SCD5: variants seen among roughly 807,000 people sequenced by gnomAD.
SCD5 encodes the protein acyl-CoA-desaturase 4.
SCD5 carries 20 observed loss-of-function variants against 30.4 expected under a neutral mutation model. That is an observed-to-expected ratio of 0.66 (90% CI 0.46 to 0.96). SCD5 has a LOEUF of 0.96. Among genes scored for constraint, SCD5 ranks in the 40% least tolerant of loss-of-function variants. The probability of loss-of-function intolerance (pLI) is 0.00; values close to 1 mark genes in which losing one functional copy is unlikely to be tolerated. For missense variants in SCD5, 381 were observed against 443.3 expected, an observed-to-expected ratio of 0.86 and a Z score of 1.26; for synonymous variants, 173 against 176.4, an observed-to-expected ratio of 0.98 and a Z score of 0.16.
At chr4:82,693,917 G>A (rs1260296985) in intron 2 of SCD5, among the ~76,000 whole-genome samples, 6 of 152,232 alleles carry the variant, frequency 3.9e-5, no homozygotes, top group African/African-American at 1.4e-4. Flanking sequence ...CAGCTTTGAT[G>A]CCCATCGTCC....
intron 1 of SCD5, among the ~76,000 whole-genome samples, chr4:82,794,388 G>GA (rs571027589): frequency 8.9e-4 from 136 of 152,190 alleles, no homozygotes; most frequent in South Asian, 4.4e-3. Context: ...GACATTTAGG[G>GA]AAAAAACAGA....
intron 1 of SCD5, among the ~76,000 whole-genome samples, chr4:82,732,517 G>A (rs17351781): frequency 0.2 from 31,093 of 152,090 alleles, 3,470 homozygotes; most frequent in Middle Eastern, 0.29. Flanking sequence ...TCTCCCTCTC[G>A]TGGAAACAGG....
At chr4:82,753,363 A>T (rs764367689) in intron 1 of SCD5, 1 of 533,526 alleles carries the variant, frequency 1.9e-6, no homozygotes, top group South Asian at 1.4e-5. Flanking sequence ...CTCCTGTCCA[A>T]CTGGCTCATT....
chr4:82,789,953 T>C (rs1419863639), intron 1 of SCD5, among the ~76,000 whole-genome samples: 1 of 152,112 alleles, frequency 6.6e-6, no homozygotes, highest in Non-Finnish European at 1.5e-5. Context: ...GTTGTTGTTG[T>C]TGTTAGTGTA....
At chr4:82,788,206 G>A (rs61265425) in intron 1 of SCD5, among the ~76,000 whole-genome samples, 3,160 of 152,228 alleles carry the variant, frequency 0.021, 107 homozygotes, top group African/African-American at 0.072. Context: ...CCAGCCTCCA[G>A]AACTCAGAAA....
At chr4:82,643,559 C>A (rs1337922453) in intron 3 of SCD5, among the ~76,000 whole-genome samples, 1 of 152,128 alleles carries the variant, frequency 6.6e-6, no homozygotes, top group Non-Finnish European at 1.5e-5. Flanking sequence ...TTACCAGGAG[C>A]TGGGGGTGAA....
chr4:82,650,861 C>A (rs188634306), intron 3 of SCD5, among the ~76,000 whole-genome samples: 1 of 151,074 alleles, frequency 6.6e-6, no homozygotes, highest in African/African-American at 2.4e-5. Flanking sequence ...AAAATATATG[C>A]ATATTTGTTA....
chr4:82,647,726 T>A (rs1451044477), intron 3 of SCD5, among the ~76,000 whole-genome samples: 5 of 151,264 alleles, frequency 3.3e-5, no homozygotes, highest in African/African-American at 1.2e-4. Flanking sequence ...TTATTTGATG[T>A]CCCTTCAGTA....
chr4:82,787,924 C>T (rs961023920), intron 1 of SCD5, among the ~76,000 whole-genome samples: 2 of 152,150 alleles, frequency 1.3e-5, no homozygotes, highest in African/African-American at 2.4e-5. Flanking sequence ...GTAGTCCTAG[C>T]TACTTGGGAG....
chr4:82,704,541 G>A (rs1489377186), intron 2 of SCD5, among the ~76,000 whole-genome samples: 1 of 152,218 alleles, frequency 6.6e-6, no homozygotes, highest in Non-Finnish European at 1.5e-5. Flanking sequence ...CCCAATCCTA[G>A]TGCAGTGATG....
At chr4:82,652,879 G>A (rs1283189655) in intron 3 of SCD5, among the ~76,000 whole-genome samples, 2 of 152,218 alleles carry the variant, frequency 1.3e-5, no homozygotes, top group African/African-American at 4.8e-5. Flanking sequence ...TCAGTTGGGT[G>A]TGGTGGCTCA....
chr4:82,733,590 G>T (rs1245609961), intron 1 of SCD5, among the ~76,000 whole-genome samples: 2 of 152,042 alleles, frequency 1.3e-5, no homozygotes, highest in East Asian at 3.8e-4. Flanking sequence ...TGTGTGGAGG[G>T]GGAAAAAGAA....
At chr4:82,674,080 C>T in intron 3 of SCD5, among the ~76,000 whole-genome samples, 1 of 152,012 alleles carries the variant, frequency 6.6e-6, no homozygotes, top group East Asian at 1.9e-4. Context: ...ATGTAGATGA[C>T]TCTGGGTTTG....
At chr4:82,705,434 C>T (rs373726284) in intron 1 of SCD5, 21 bp from the exon 2 acceptor site, 2 of 1,613,680 alleles carry the variant, frequency 1.2e-6, no homozygotes, top group African/African-American at 2.7e-5. Context: ...CAAGCAGGGA[C>T]AACGTCAACA....
In SCD5 at chr4:82,764,923, C is replaced by T. The variant is rs542155239; in HGVS notation, c.232+33383G>A. Among the ~76,000 whole-genome samples the T allele has an allele frequency of 3.3e-5, 5 of 152,230 alleles. No homozygotes were observed. The East Asian group carries it at 7.7e-4, about 24-fold the overall frequency. On this transcript the variant is annotated intron_variant, in intron 1 of 4. Coordinates refer to ENST00000319540, the MANE Select transcript of SCD5 (RefSeq NM_001037582.3). The stretch of plus-strand genomic sequence containing the variant: ...TGTATTTTTAGAAGAGACAGTGTTT[C>T]ACCATGTTGGTCAGGCTAGTCTCAA...
intron 1 of SCD5, among the ~76,000 whole-genome samples, chr4:82,736,009 C>T (rs1247668048): frequency 1.3e-5 from 2 of 152,116 alleles, no homozygotes; most frequent in East Asian, 1.9e-4. Context: ...TTCTTGGCCA[C>T]GCACAGTGGC....
At chr4:82,789,327 G>C (rs183053712) in intron 1 of SCD5, among the ~76,000 whole-genome samples, 41 of 152,152 alleles carry the variant, frequency 2.7e-4, no homozygotes, top group African/African-American at 9.7e-4. Context: ...GGGTAGGAGG[G>C]GAAGCAAAGG....
intron 1 of SCD5, among the ~76,000 whole-genome samples, chr4:82,793,699 AT>A (rs1184832674): frequency 6.6e-6 from 1 of 152,204 alleles, no homozygotes; most frequent in Non-Finnish European, 1.5e-5. Context: ...TACACATATC[AT>A]CTAATTTGAT....
At chr4:82,665,863 G>C (rs1279548638) in intron 3 of SCD5, among the ~76,000 whole-genome samples, 1 of 152,076 alleles carries the variant, frequency 6.6e-6, no homozygotes, top group African/African-American at 2.4e-5. Context: ...AAGCTAGCTT[G>C]ATACATAAAA....
Sources: allele counts gnomAD v4.1 joint callset (sites outside exome capture counted in the v4.1 genomes callset), GRCh38; gene constraint gnomAD v4.1.1; transcripts MANE v1.5; gene names NCBI Gene and HGNC (gene_info 2026-07-23, HGNC 2026-07-21).